Variants in PCDHA1 observed in about 807,000 individuals in gnomAD.
PCDHA1 encodes protocadherin alpha-1.
A neutral mutation model predicts 61.3 loss-of-function variants in PCDHA1; 42 were observed. That is an observed-to-expected ratio of 0.69 (90% CI 0.54 to 0.89). The LOEUF (loss-of-function observed/expected upper bound fraction) is 0.89, where lower values mean the gene tolerates loss of function less well. Ranked by LOEUF, PCDHA1 falls within the 40% of genes least tolerant of loss-of-function variation. The pLI, the probability that PCDHA1 is intolerant of heterozygous loss-of-function variation, is 0.00. For synonymous variants in PCDHA1, 610 were observed against 553.8 expected, an observed-to-expected ratio of 1.10 and a Z score of -1.43; for missense variants, 1,256 against 1,235.3, an observed-to-expected ratio of 1.02 and a Z score of -0.25.
chr5:140,931,136 C>T (rs2087318079), intron 1 of PCDHA1, among the ~76,000 whole-genome samples: 1 of 152,166 alleles, frequency 6.6e-6, no homozygotes, highest in African/African-American at 2.4e-5. Context: ...GTGATATTTG[C>T]AGTGGATACT....
At chr5:140,926,391 A>G (rs76822698) in intron 1 of PCDHA1, 1 of 152,346 alleles carries the variant, frequency 6.6e-6, no homozygotes, top group East Asian at 1.9e-4. Context: ...GGGCTCAGCC[A>G]CAGTTATCAG....
chr5:140,841,838 A>G (rs1453803660), intron 1 of PCDHA1: 11 of 1,613,802 alleles, frequency 6.8e-6, no homozygotes, highest in Admixed American at 6.7e-5. Context: ...CTACAGGCTT[A>G]GCTCTCATGA....
At chr5:140,883,682 T>G (rs2059750474) in intron 1 of PCDHA1, 1 of 1,613,604 alleles carries the variant, frequency 6.2e-7, no homozygotes. Context: ...TCCGCCGGGC[T>G]GCCACATCTT....
At chr5:140,958,510 G>A (rs1476919397) in intron 1 of PCDHA1, among the ~76,000 whole-genome samples, 1 of 152,114 alleles carries the variant, frequency 6.6e-6, no homozygotes, top group Non-Finnish European at 1.5e-5. Flanking sequence ...AGGCATGGCT[G>A]TCCAATATAT....
At chr5:140,869,038 C>A in intron 1 of PCDHA1, 1 of 1,528,506 alleles carries the variant, frequency 6.5e-7, no homozygotes, top group South Asian at 1.3e-5. Context: ...GATTTTTAAC[C>A]TGAAACTGAA....
At chr5:140,994,226 G>A (rs2097606248) in intron 3 of PCDHA1, among the ~76,000 whole-genome samples, 1 of 152,162 alleles carries the variant, frequency 6.6e-6, no homozygotes. Flanking sequence ...GTCTGTCTAT[G>A]TTATAATCAA....
chr5:140,829,811 G>T (rs1554132272), intron 1 of PCDHA1: 1 of 1,613,910 alleles, frequency 6.2e-7, no homozygotes, highest in Non-Finnish European at 8.5e-7. Flanking sequence ...GGGTGGTACT[G>T]GTGGTGCAGT....
chr5:140,813,619 T>C (rs1554126251), intron 1 of PCDHA1: 1 of 152,184 alleles, frequency 6.6e-6, no homozygotes, highest in Non-Finnish European at 1.5e-5. Flanking sequence ...GGTGAGTGAA[T>C]GTGAAGGCCC....
intron 1 of PCDHA1, chr5:140,856,917 G>C (rs782649806): frequency 6.3e-7 from 1 of 1,595,592 alleles, no homozygotes; most frequent in Non-Finnish European, 8.6e-7. Context: ...ACGATAAGAA[G>C]GAAATTTTGG....
At chr5:140,838,664 G>C (rs950566042) in intron 1 of PCDHA1, among the ~76,000 whole-genome samples, 1 of 152,010 alleles carries the variant, frequency 6.6e-6, no homozygotes, top group Non-Finnish European at 1.5e-5. Flanking sequence ...AACGGGGCAT[G>C]GTGGCACACA....
chr5:140,907,239 C>A (rs1447900433), intron 1 of PCDHA1, among the ~76,000 whole-genome samples: 1 of 152,200 alleles, frequency 6.6e-6, no homozygotes, highest in African/African-American at 2.4e-5. Flanking sequence ...ACCTAGTTGA[C>A]ATTGTAATTG....
chr5:140,801,386 G>T, intron 1 of PCDHA1: 1 of 1,613,622 alleles, frequency 6.2e-7, no homozygotes, highest in Non-Finnish European at 8.5e-7. Flanking sequence ...TGCCGCGCCT[G>T]TTCCGGGTGG....
At chr5:140,836,674 C>CA in intron 1 of PCDHA1, 1 of 1,613,468 alleles carries the variant, frequency 6.2e-7, no homozygotes. Context: ...GGGGAGGGCC[C>CA]ACCCAAGACA....
At chr5:140,801,042 G>T in intron 1 of PCDHA1, 1 of 1,433,662 alleles carries the variant, frequency 7.0e-7, no homozygotes, top group Non-Finnish European at 9.1e-7. Context: ...CTCCACAAAA[G>T]AAATAACAGC....
chr5:140,843,487 G>A (rs2150361131), intron 1 of PCDHA1: 2 of 1,596,050 alleles, frequency 1.3e-6, no homozygotes, highest in Admixed American at 1.7e-5. Context: ...CTGCGCTGCG[G>A]TGCTCAGCAC....
chr5:140,863,443 C>A (rs1389927128), intron 1 of PCDHA1: 2 of 591,510 alleles, frequency 3.4e-6, no homozygotes, highest in Non-Finnish European at 3.2e-6. Flanking sequence ...TGGTCTTACT[C>A]GCAGCAAAGG....
rs2098422568 is a variant in PCDHA1 at position 141,011,988 on chromosome 5, C to A, written c.*2051C>A. ...AAACTGTCTTGTCTACTTTTAGCTTCATTCTCCCATATTTTGAAGGGTGTG... is the reference window on the plus strand; with the variant it reads ...AAACTGTCTTGTCTACTTTTAGCTTAATTCTCCCATATTTTGAAGGGTGTG... On this transcript the variant is annotated 3_prime_UTR_variant, in exon 4 of 4. Coordinates refer to ENST00000504120, the MANE Select transcript of PCDHA1 (RefSeq NM_018900.4). 6.5e-6 allele frequency: 1 copy of A among 153,688 alleles called. No individual in the cohort carries two copies. The highest frequency in any genetic ancestry group is 2.4e-5 in the African/African-American group (1 of 41,434). 9.5% of individuals were successfully genotyped at this position (153,688 alleles called of 1,614,324 possible). A position where few individuals can be genotyped will look rare whatever the true frequency, so the allele number is the denominator to read the frequency against.
intron 1 of PCDHA1, chr5:140,815,642 T>A (rs1349424148): frequency 6.6e-6 from 1 of 152,128 alleles, no homozygotes; most frequent in Non-Finnish European, 1.5e-5. Context: ...AGTATTCTGT[T>A]TTTATCTATA....
At chr5:140,883,621 C>T (rs368758287) in intron 1 of PCDHA1, 80 of 1,613,850 alleles carry the variant, frequency 5.0e-5, no homozygotes, top group Non-Finnish European at 6.4e-5. Flanking sequence ...TGAACGACAA[C>T]GCGCCGGCGT....
Sources: gnomAD v4.1 joint callset for allele counts (sites outside exome capture counted in the v4.1 genomes callset) on GRCh38, gnomAD v4.1.1 for gene constraint, MANE v1.5 for transcripts, NCBI Gene and HGNC (gene_info 2026-07-23, HGNC 2026-07-21) for gene names.